RNPS1: variants seen among roughly 807,000 people sequenced by gnomAD.
The protein encoded by RNPS1 is RNA binding protein with serine rich domain 1, also known as RNA-binding protein with serine-rich domain 1.
For synonymous variants in RNPS1, 147 were observed against 150.0 expected (o/e 0.98, Z 0.15); for missense variants, 300 against 427.6 (o/e 0.70, Z 2.63).
chr16:2,258,748 T>C (rs1189194511), intron 6 of RNPS1: 2 of 151,944 alleles, frequency 1.3e-5, no homozygotes, highest in East Asian at 1.9e-4. Context: ...GGGAGGTTGA[T>C]TGTAAAGAAA....
At chr16:2,261,215 T>C (rs1316879237) in intron 6 of RNPS1, among the ~76,000 whole-genome samples, 3 of 152,202 alleles carry the variant, frequency 2.0e-5, no homozygotes, top group Non-Finnish European at 4.4e-5. Flanking sequence ...TTTTTCCTAA[T>C]TGGAAATCAC....
intron 1 of RNPS1, chr16:2,267,606 C>G: frequency 9.3e-7 from 1 of 1,072,972 alleles, no homozygotes. Flanking sequence ...AAACTCCGCG[C>G]CCGCCGACAC....
intron 6 of RNPS1, among the ~76,000 whole-genome samples, chr16:2,260,144 ATTCT>A (rs2093596667): frequency 2.0e-5 from 2 of 101,212 alleles, no homozygotes; most frequent in South Asian, 3.1e-4. Flanking sequence ...GTGTGTGTGT[ATTCT>A]TTTTTTTTTT....
intron 6 of RNPS1, chr16:2,258,137 T>G (rs548882885): frequency 6.6e-6 from 1 of 152,358 alleles, no homozygotes; most frequent in African/African-American, 2.4e-5. Context: ...ATAAACTGTA[T>G]AGATTCAGTA....
chr16:2,264,459 G>T, intron 2 of RNPS1, 114 bp downstream of exon 2: 1 of 1,534,114 alleles, frequency 6.5e-7, no homozygotes, highest in Non-Finnish European at 9.0e-7. Context: ...AAAGTGGTCT[G>T]TGGCTCAGAA....
chr16:2,259,085 T>C (rs999340996), intron 6 of RNPS1, among the ~76,000 whole-genome samples: 5 of 148,190 alleles, frequency 3.4e-5, no homozygotes, highest in African/African-American at 1.3e-4. Flanking sequence ...ATTGCACCAT[T>C]GTACTCCAGC....
chr16:2,254,109 G>A (rs756653855), intron 7 of RNPS1, 46 bp from the exon 8 acceptor site: 4 of 1,330,082 alleles, frequency 3.0e-6, no homozygotes, highest in Admixed American at 3.1e-5. Flanking sequence ...AGGCTGTAGG[G>A]GCAAGCTAGC....
intron 1 of RNPS1, chr16:2,266,050 A>G (rs2141591121): frequency 1.1e-6 from 1 of 914,846 alleles, no homozygotes; most frequent in East Asian, 1.2e-4. Flanking sequence ...GCTCTGCACA[A>G]GCTGCAGGAG....
At chr16:2,259,917 A>G (rs2093595516) in intron 6 of RNPS1, among the ~76,000 whole-genome samples, 1 of 152,218 alleles carries the variant, frequency 6.6e-6, no homozygotes, top group South Asian at 2.1e-4. Flanking sequence ...GCGTTCATTA[A>G]TATCAAGCAG....
At chr16:2,254,936 G>A (rs149398969) in intron 7 of RNPS1, among the ~76,000 whole-genome samples, 1,637 of 151,738 alleles carry the variant, frequency 0.011, 14 homozygotes, top group Non-Finnish European at 0.017. Flanking sequence ...TAGAGACAAG[G>A]TTTCACTGTA....
intron 6 of RNPS1, among the ~76,000 whole-genome samples, chr16:2,261,308 T>C (rs192772087): frequency 3.5e-4 from 53 of 152,300 alleles, no homozygotes; most frequent in African/African-American, 1.2e-3. Context: ...TACTTCTATG[T>C]GTGGCTGTTG....
chr16:2,254,295 C>T (rs1280981192), intron 7 of RNPS1, among the ~76,000 whole-genome samples: 3 of 150,416 alleles, frequency 2.0e-5, no homozygotes, highest in Non-Finnish European at 4.4e-5. Flanking sequence ...GCCACCACGC[C>T]CAGCTAATTT....
chr16:2,268,087 C>A lies in RNPS1; in HGVS notation c.-150G>T. The A allele has an allele frequency of 2.0e-6, 3 of 1,535,478 alleles. No homozygotes were observed. Among genetic ancestry groups the A allele is most frequent in the Non-Finnish European group, 2.6e-6 (3 of 1,146,650 alleles). ...CGCCGCCGCCACCTCCTCCTGCTTT[C>A]CTCAGCCGCCGAGGCCGGCGCCGCT... On this transcript the variant is annotated 5_prime_UTR_variant, in exon 1 of 8. Transcript: ENST00000320225.
At chr16:2,264,534 C>A in intron 2 of RNPS1, 39 bp downstream of exon 2, 1 of 1,598,362 alleles carries the variant, frequency 6.3e-7, no homozygotes. Context: ...GCAGTAAGCA[C>A]CCCCAAGTAG....
At chr16:2,266,012 G>C (rs1452428607) in intron 1 of RNPS1, 1 of 648,214 alleles carries the variant, frequency 1.5e-6, no homozygotes, top group Non-Finnish European at 1.9e-6. Flanking sequence ...ATTTTCCAGG[G>C]ACTTCTGCCT....
chr16:2,262,672 G>A (rs1200066045), intron 5 of RNPS1, 68 bp downstream of exon 5: 8 of 1,387,032 alleles, frequency 5.8e-6, no homozygotes, highest in Non-Finnish European at 6.1e-6. Flanking sequence ...TACATTCTAA[G>A]TTCATCTGCA....
chr16:2,262,622 T>G (rs2093607720), intron 5 of RNPS1, 118 bp downstream of exon 5: 3 of 1,009,918 alleles, frequency 3.0e-6, no homozygotes, highest in Non-Finnish European at 4.5e-6. Context: ...ATCAATGCTG[T>G]ACTCAAACCA....
At position 2,268,079 on chromosome 16, in the gene RNPS1, C is replaced by G. The variant is rs1392122068; in HGVS notation, c.-142G>C. 6.5e-6 allele frequency: 10 copies of G among 1,535,390 alleles called. No homozygotes were observed. Among genetic ancestry groups the G allele is most frequent in the South Asian group, 1.2e-5 (1 of 84,050 alleles). On this transcript the variant is annotated 5_prime_UTR_variant, in exon 1 of 8. Coordinates refer to ENST00000320225, the MANE Select transcript of RNPS1 (RefSeq NM_080594.4). ...CATCTTCCCGCCGCCGCCACCTCCT[C>G]CTGCTTTCCTCAGCCGCCGAGGCCG... is the stretch of plus-strand genomic sequence containing the variant.
At chr16:2,256,134 A>G (rs1055990451) in intron 6 of RNPS1, 20 of 204,198 alleles carry the variant, frequency 9.8e-5, no homozygotes, top group African/African-American at 4.3e-4. Flanking sequence ...TCAAAAAAAA[A>G]AAGATAATCA....
Sources: allele counts gnomAD v4.1 joint callset (sites outside exome capture counted in the v4.1 genomes callset), GRCh38; gene constraint gnomAD v4.1.1; transcripts MANE v1.5; gene names NCBI Gene and HGNC (gene_info 2026-07-23, HGNC 2026-07-21).